VTI1A: variants seen among roughly 807,000 people sequenced by gnomAD.
VTI1A encodes the protein vesicle transport through interaction with t-SNAREs homolog 1A.
In VTI1A, 22 loss-of-function variants were observed where a neutral mutation model predicts 34.9. The ratio of observed to expected loss-of-function variants is 0.63; its 90% confidence interval spans 0.45 to 0.90. The LOEUF (loss-of-function observed/expected upper bound fraction) is 0.90. Ranked by LOEUF, VTI1A falls within the 40% of genes least tolerant of loss-of-function variation. The pLI, the probability that VTI1A is intolerant of heterozygous loss-of-function variation, is 0.00. For synonymous variants in VTI1A, 87 were observed against 97.3 expected, an observed-to-expected ratio of 0.89 and a Z score of 0.62; for missense variants, 268 against 275.6, an observed-to-expected ratio of 0.97 and a Z score of 0.20.
At chr10:112,595,320 T>A (rs749067148) in intron 5 of VTI1A, among the ~76,000 whole-genome samples, 198 of 150,274 alleles carry the variant, frequency 1.3e-3, no homozygotes, top group Non-Finnish European at 2.4e-3. Context: ...TGGGATCTAA[T>A]TAAATTAAAG....
chr10:112,681,888 A>C (rs183984074), intron 7 of VTI1A, among the ~76,000 whole-genome samples: 120 of 152,304 alleles, frequency 7.9e-4, no homozygotes, highest in African/African-American at 2.3e-3. Flanking sequence ...TTAACTTGAT[A>C]AGCATATCAC....
At chr10:112,697,295 G>A (rs1848824340) in intron 7 of VTI1A, among the ~76,000 whole-genome samples, 1 of 151,520 alleles carries the variant, frequency 6.6e-6, no homozygotes, top group East Asian at 1.9e-4. Context: ...CCGGGTTCAA[G>A]TGATTGTCTT....
intron 7 of VTI1A, chr10:112,737,598 C>A: frequency 4.8e-6 from 5 of 1,048,278 alleles, no homozygotes; most frequent in Non-Finnish European, 5.8e-6. Context: ...GGTCTTAGTC[C>A]AGCTCTGTGA....
At chr10:112,750,711 T>C (rs1485648518) in intron 7 of VTI1A, among the ~76,000 whole-genome samples, 1 of 152,204 alleles carries the variant, frequency 6.6e-6, no homozygotes, top group Non-Finnish European at 1.5e-5. Context: ...TCCCTAATAC[T>C]CTGCAGAGTC....
intron 5 of VTI1A, among the ~76,000 whole-genome samples, chr10:112,539,417 C>T (rs73365050): frequency 1.4e-3 from 208 of 152,202 alleles, no homozygotes; most frequent in African/African-American, 4.9e-3. Context: ...ACAACTTTGG[C>T]ATTATATTAA....
intron 2 of VTI1A, 111 bp from the exon 3 acceptor site, chr10:112,464,436 G>A: frequency 2.3e-6 from 2 of 880,986 alleles, no homozygotes; most frequent in South Asian, 1.7e-5. Flanking sequence ...CCTGAACCTG[G>A]TGCCTCAACT....
intron 7 of VTI1A, chr10:112,736,599 C>A: frequency 6.9e-7 from 1 of 1,452,668 alleles, no homozygotes; most frequent in Admixed American, 2.3e-5. Context: ...AGTGGCTCCT[C>A]TGATAAGAAA....
chr10:112,480,559 C>T (rs780395678), intron 3 of VTI1A, among the ~76,000 whole-genome samples: 17 of 151,854 alleles, frequency 1.1e-4, no homozygotes, highest in African/African-American at 2.9e-4. Context: ...GGCATGCATG[C>T]GTGTGTAGGA....
intron 5 of VTI1A, among the ~76,000 whole-genome samples, chr10:112,626,812 G>C (rs140175529): frequency 1.3e-5 from 2 of 152,040 alleles, no homozygotes; most frequent in Admixed American, 6.5e-5. Flanking sequence ...ATGGGTAAAG[G>C]CTTAATCTAA....
intron 2 of VTI1A, among the ~76,000 whole-genome samples, chr10:112,462,946 A>G (rs1847777000): frequency 7.4e-6 from 1 of 135,372 alleles, no homozygotes; most frequent in Non-Finnish European, 1.7e-5. Context: ...ATTTATTGAG[A>G]CGGAGTCTCG....
At chr10:112,739,276 C>T (rs1009722184) in intron 7 of VTI1A, among the ~76,000 whole-genome samples, 1 of 152,184 alleles carries the variant, frequency 6.6e-6, no homozygotes, top group African/African-American at 2.4e-5. Context: ...CTCCTCCCTC[C>T]CAATATCCTC....
chr10:112,723,748 A>G (rs775945015), intron 7 of VTI1A, among the ~76,000 whole-genome samples: 1 of 152,216 alleles, frequency 6.6e-6, no homozygotes, highest in Non-Finnish European at 1.5e-5. Context: ...AAAGAACACA[A>G]TTAAGCATAG....
intron 7 of VTI1A, among the ~76,000 whole-genome samples, chr10:112,810,401 CAAA>C (rs55966805): frequency 3.4e-5 from 3 of 89,372 alleles, no homozygotes; most frequent in Admixed American, 1.1e-4. Context: ...GACTCCATCT[CAAA>C]AAAAAAAAAA....
chr10:112,506,064 T>A (rs1006630000), intron 3 of VTI1A, among the ~76,000 whole-genome samples: 34 of 152,116 alleles, frequency 2.2e-4, no homozygotes, highest in African/African-American at 8.0e-4. Context: ...GAGAATGTTC[T>A]GAGAAATATG....
chr10:112,818,223 TGCGGCTCTG>T lies in VTI1A; in HGVS notation c.*2843_*2851del, dbSNP rs2134100344. Reference sequence around the variant, plus strand: ...CTGAAATTAATGGTGAACAAAATTGTGCGGCTCTGGCCATCCCATGCGGGGCAAGCCCAT... The same window carrying T: ...CTGAAATTAATGGTGAACAAAATTGTGCCATCCCATGCGGGGCAAGCCCAT... On this transcript the variant is annotated 3_prime_UTR_variant, in exon 8 of 8. Coordinates refer to ENST00000393077, the MANE Select transcript of VTI1A (RefSeq NM_145206.4). The T allele has an allele frequency of 4.3e-6, 1 of 233,348 alleles. No homozygotes were observed. Among genetic ancestry groups the T allele is most frequent in the East Asian group, 6.0e-5 (1 of 16,544 alleles). 14.5% of individuals were successfully genotyped at this position (233,348 alleles called of 1,614,324 possible).
chr10:112,673,315 CAAAAAAA>C (rs745306451), intron 7 of VTI1A, among the ~76,000 whole-genome samples: 3 of 68,914 alleles, frequency 4.4e-5, no homozygotes, highest in Admixed American at 1.7e-4. Flanking sequence ...GACTCCATCT[CAAAAAAA>C]AAAAAAAAAG....
At chr10:112,842,050 C>CTTTTTTTTTTT in the VTI1A span, among the ~76,000 whole-genome samples, 1,416 of 93,026 alleles carry the variant, frequency 0.015, 39 homozygotes, top group Non-Finnish European at 0.021. Flanking sequence ...TTTTTTTTTT[C>CTTTTTTTTTTT]CTTTTTTTTT....
intron 4 of VTI1A, among the ~76,000 whole-genome samples, chr10:112,535,706 A>AG (rs1850593916): frequency 6.6e-6 from 1 of 152,196 alleles, no homozygotes; most frequent in African/African-American, 2.4e-5. Flanking sequence ...TGCTTTGAAA[A>AG]GGGCTGAGAA....
chr10:112,533,698 T>C, intron 4 of VTI1A: 2 of 346,398 alleles, frequency 5.8e-6, no homozygotes, highest in Non-Finnish European at 8.2e-6. Context: ...CAGAAATCTT[T>C]TCTGCTCACC....
Sources: allele counts gnomAD v4.1 joint callset (sites outside exome capture counted in the v4.1 genomes callset), GRCh38; gene constraint gnomAD v4.1.1; transcripts MANE v1.5; gene names NCBI Gene and HGNC (gene_info 2026-07-23, HGNC 2026-07-21).